Variants in LMO7 observed in about 807,000 individuals in gnomAD.
LMO7 encodes the protein LIM domain only protein 7.
A neutral mutation model predicts 206.5 loss-of-function variants in LMO7; 120 were observed. The ratio of observed to expected loss-of-function variants is 0.58; its 90% confidence interval spans 0.50 to 0.68. LMO7 has a LOEUF of 0.68. LMO7 is among the 30% of genes least tolerant of loss of function. LMO7 has a pLI of 0.00. For synonymous variants in LMO7, 706 were observed against 681.5 expected (o/e 1.04, Z -0.56); for missense variants, 1,959 against 1,957.9 (o/e 1.00, Z -0.01).
At chr13:75,630,281 G>A (rs1271365945) in intron 2 of LMO7, among the ~76,000 whole-genome samples, 2 of 152,008 alleles carry the variant, frequency 1.3e-5, no homozygotes, top group Admixed American at 1.3e-4. Flanking sequence ...TTTTATTTTT[G>A]TATCATACAG....
At chr13:75,687,840 C>T (rs2041143530) in intron 1 of LMO7, among the ~76,000 whole-genome samples, 1 of 152,092 alleles carries the variant, frequency 6.6e-6, no homozygotes, top group African/African-American at 2.4e-5. Flanking sequence ...GAATAAGTAC[C>T]TGATATTGTT....
intron 4 of LMO7, chr13:75,788,944 C>T (rs2052848721): frequency 6.6e-6 from 1 of 152,310 alleles, no homozygotes; most frequent in South Asian, 2.1e-4. Context: ...TGCAGTTGTT[C>T]TGGGCAACAA....
chr13:75,688,618 T>C (rs1341108240), intron 1 of LMO7: 1 of 152,392 alleles, frequency 6.6e-6, no homozygotes, highest in African/African-American at 2.4e-5. Flanking sequence ...TGGAAGTTTC[T>C]TCTTTTTCTG....
chr13:75,710,447 A>T (rs555516925), intron 1 of LMO7, among the ~76,000 whole-genome samples: 3 of 152,160 alleles, frequency 2.0e-5, no homozygotes, highest in African/African-American at 7.2e-5. Context: ...ATGTTCTTCC[A>T]TTTGTTTGTA....
chr13:75,830,655 A>T (rs926669163), intron 15 of LMO7, among the ~76,000 whole-genome samples: 1 of 152,130 alleles, frequency 6.6e-6, no homozygotes, highest in African/African-American at 2.4e-5. Context: ...CCTTTTATTA[A>T]TATTTAAGAT....
chr13:75,846,003 A>T (rs1344240601), intron 26 of LMO7, among the ~76,000 whole-genome samples: 23 of 152,226 alleles, frequency 1.5e-4, no homozygotes, highest in Non-Finnish European at 4.4e-5. Context: ...TGAGGTCAAC[A>T]TGCCCATCAT....
intron 26 of LMO7, among the ~76,000 whole-genome samples, chr13:75,847,779 G>A (rs2060113548): frequency 6.6e-6 from 1 of 152,192 alleles, no homozygotes; most frequent in South Asian, 2.1e-4. Flanking sequence ...TTTTTGGGCA[G>A]CCTTTTTCAT....
chr13:75,712,865 TA>T (rs1256119206), intron 1 of LMO7, among the ~76,000 whole-genome samples: 1 of 152,216 alleles, frequency 6.6e-6, no homozygotes, highest in Non-Finnish European at 1.5e-5. Context: ...CATAGGTTTT[TA>T]AAAAATATAT....
intron 1 of LMO7, among the ~76,000 whole-genome samples, chr13:75,691,874 C>T (rs2041508933): frequency 6.6e-6 from 1 of 152,136 alleles, no homozygotes; most frequent in Non-Finnish European, 1.5e-5. Context: ...ACCCTGCCAT[C>T]CTGCTGGGTG....
chr13:75,704,438 T>C (rs1404734133), intron 1 of LMO7, among the ~76,000 whole-genome samples: 3 of 152,176 alleles, frequency 2.0e-5, no homozygotes, highest in Non-Finnish European at 4.4e-5. Flanking sequence ...GTAACTTAAT[T>C]TGGAATCAAC....
chr13:75,828,464 T>G (rs1043863615), intron 15 of LMO7, among the ~76,000 whole-genome samples: 17 of 152,210 alleles, frequency 1.1e-4, no homozygotes, highest in Non-Finnish European at 2.1e-4. Context: ...GACTTTGCTG[T>G]GTCTTTAGAA....
chr13:75,836,593 G>A (rs1034084960), intron 19 of LMO7, 136 bp downstream of exon 19: 6 of 558,606 alleles, frequency 1.1e-5, no homozygotes, highest in South Asian at 4.7e-5. Context: ...AGGTTAACAC[G>A]CAGATCCAAT....
At chr13:75,696,358 A>C (rs7998132) in intron 1 of LMO7, among the ~76,000 whole-genome samples, 60,192 of 140,472 alleles carry the variant, frequency 0.43, 13,062 homozygotes, top group East Asian at 0.65. Flanking sequence ...CCATCTCAAA[A>C]AAACAAACAA....
chr13:75,810,757 G>C (rs2056268940), intron 11 of LMO7, among the ~76,000 whole-genome samples: 1 of 152,204 alleles, frequency 6.6e-6, no homozygotes, highest in Non-Finnish European at 1.5e-5. Flanking sequence ...CAAGTATGTG[G>C]TGGAAATGTC....
At chr13:75,642,642 G>C (rs948097942) in intron 1 of LMO7, among the ~76,000 whole-genome samples, 1 of 151,842 alleles carries the variant, frequency 6.6e-6, no homozygotes, top group Non-Finnish European at 1.5e-5. Flanking sequence ...GAGTATTCTT[G>C]AACCAGTTAG....
At chr13:75,804,725 A>G in intron 8 of LMO7, 184 bp downstream of exon 8, 1 of 1,043,066 alleles carries the variant, frequency 9.6e-7, no homozygotes, top group Non-Finnish European at 1.3e-6. Flanking sequence ...CTTCTGTTTT[A>G]GAATGTCAGC....
rs375990639 is a variant in LMO7 at position 75,737,708 on chromosome 13, G to A, written c.210+10610G>A. Among the ~76,000 whole-genome samples the A allele has an allele frequency of 2.4e-3, 272 of 115,304 alleles. 2 individuals carry two copies. In the East Asian group the frequency reaches 0.032, roughly 14 times the overall value. 75.6% of individuals were successfully genotyped at this position (115,304 alleles called of 152,430 possible). On this transcript the variant is annotated intron_variant, in intron 3 of 30. Coordinates refer to ENST00000377534, the MANE Select transcript of LMO7 (RefSeq NM_001306080.2). ...GCGGAGCTTGCAGTGAGCCGAGATC[G>A]CGCCACTGCACTCCAGCCTGGGCGA...
chr13:75,740,763 C>T (rs2046345198), intron 3 of LMO7, among the ~76,000 whole-genome samples: 1 of 152,174 alleles, frequency 6.6e-6, no homozygotes. Context: ...TCATGACCTC[C>T]ATCATCAGAT....
At chr13:75,842,044 C>G in intron 24 of LMO7, 61 bp downstream of exon 24, 1 of 1,238,956 alleles carries the variant, frequency 8.1e-7, no homozygotes, top group Non-Finnish European at 1.1e-6. Flanking sequence ...ACTTCAAAGG[C>G]ACCCGCTTGC....
Sources: allele counts gnomAD v4.1 joint callset (sites outside exome capture counted in the v4.1 genomes callset), GRCh38; gene constraint gnomAD v4.1.1; transcripts MANE v1.5; gene names NCBI Gene and HGNC (gene_info 2026-07-23, HGNC 2026-07-21).